Variants in ARSK observed in about 807,000 individuals in gnomAD.
ARSK encodes arylsulfatase K.
In ARSK, 37 loss-of-function variants were observed where a neutral mutation model predicts 53.2. The ratio of observed to expected loss-of-function variants is 0.70; its 90% confidence interval spans 0.54 to 0.92. The LOEUF (loss-of-function observed/expected upper bound fraction) is 0.92. Among genes scored for constraint, ARSK ranks in the 40% least tolerant of loss-of-function variants. The probability of loss-of-function intolerance (pLI) is 0.00; values close to 1 mark genes in which losing one functional copy is unlikely to be tolerated. For missense variants in ARSK, 613 were observed against 643.0 expected (o/e 0.95, Z 0.51); for synonymous variants, 208 against 223.2 (o/e 0.93, Z 0.61).
Position 95,566,058 on chromosome 5 carries a change from A to T in ARSK, c.187A>T (p.Met63Leu). The T allele has an allele frequency of 6.2e-7, 1 of 1,613,652 alleles. No homozygotes were observed. Among genetic ancestry groups the T allele is most frequent in the Non-Finnish European group, 8.5e-7 (1 of 1,179,862 alleles). ...QVVKLPFINF[M>L]KTRGTSFLNA... is the part of the protein sequence containing the mutation. Reference sequence around the variant, plus strand: ...AGTGAAACTTCCTTTTATCAACTTTATGAAGACACGTGGGACTTCCTTTCT... The same window carrying T: ...AGTGAAACTTCCTTTTATCAACTTTTTGAAGACACGTGGGACTTCCTTTCT... Residue 63 changes from methionine (M) to leucine (L), a missense_variant, in exon 2 of 8, where the codon ATG (methionine) becomes TTG (leucine). By Grantham distance (15) the Met-to-Leu change is conservative. Coordinates refer to ENST00000380009, the MANE Select transcript of ARSK (RefSeq NM_198150.3).
intron 3 of ARSK, among the ~76,000 whole-genome samples, chr5:95,579,640 A>T (rs1401219857): frequency 6.6e-6 from 1 of 152,196 alleles, no homozygotes; most frequent in Non-Finnish European, 1.5e-5. Context: ...AAAGAACTGG[A>T]CCTCTGGTGG....
chr5:95,570,062 C>G lies in ARSK; in HGVS notation c.416+2013C>G, dbSNP rs570828278. ...ATTAAAATGGGCTTCTACCTGGACT[C>G]TTCTTACTCTATCTGACCCATTTTC... On this transcript the variant is annotated intron_variant, in intron 3 of 7. Coordinates refer to ENST00000380009, the MANE Select transcript of ARSK (RefSeq NM_198150.3). Among the ~76,000 whole-genome samples, 5 of 152,332 alleles carry G rather than the reference C, an allele frequency of 3.3e-5. No individual in the cohort carries two copies. The East Asian group carries it at 9.6e-4, about 29-fold the overall frequency.
intron 3 of ARSK, chr5:95,581,060 T>C: frequency 2.0e-6 from 1 of 489,586 alleles, no homozygotes; most frequent in Admixed American, 3.5e-5. Context: ...GCTAAAGCCA[T>C]GCTTATGAAA....
chr5:95,586,818 T>A, intron 5 of ARSK, 85 bp downstream of exon 5: 1 of 1,214,904 alleles, frequency 8.2e-7, no homozygotes, highest in East Asian at 2.6e-5. Flanking sequence ...CTTGGTGACT[T>A]TCTTACAAAG....
intron 1 of ARSK, among the ~76,000 whole-genome samples, chr5:95,562,587 C>G (rs1748661069): frequency 2.0e-5 from 3 of 152,202 alleles, no homozygotes; most frequent in Non-Finnish European, 4.4e-5. Flanking sequence ...GAACCGAGTA[C>G]AAGCCATGGT....
intron 3 of ARSK, among the ~76,000 whole-genome samples, chr5:95,578,872 C>T (rs180984567): frequency 6.6e-6 from 1 of 152,320 alleles, no homozygotes; most frequent in African/African-American, 2.4e-5. Flanking sequence ...CACACTGCCA[C>T]AGAAAACCCA....
intron 3 of ARSK, among the ~76,000 whole-genome samples, chr5:95,572,707 G>A (rs1748855955): frequency 6.6e-6 from 1 of 152,190 alleles, no homozygotes; most frequent in Non-Finnish European, 1.5e-5. Flanking sequence ...GAACCCGGGA[G>A]GCGGAGCTTG....
At chr5:95,599,426 G>A (rs944868307) in intron 6 of ARSK, among the ~76,000 whole-genome samples, 4 of 151,132 alleles carry the variant, frequency 2.6e-5, no homozygotes, top group Non-Finnish European at 4.4e-5. Flanking sequence ...CTTGCTGGTG[G>A]TGCCTCCTGA....
intron 1 of ARSK, among the ~76,000 whole-genome samples, chr5:95,559,704 C>T (rs1215972400): frequency 6.6e-6 from 1 of 151,810 alleles, no homozygotes; most frequent in Non-Finnish European, 1.5e-5. Context: ...TAGAAGGGAA[C>T]TAAAAGGCAT....
intron 6 of ARSK, among the ~76,000 whole-genome samples, chr5:95,599,089 G>C (rs192346026): frequency 6.6e-6 from 1 of 152,262 alleles, no homozygotes; most frequent in African/African-American, 2.4e-5. Flanking sequence ...TAGAATGTTA[G>C]CTCTGGGAGA....
In ARSK at chr5:95,587,727, C is replaced by T. The variant is rs373950578; in HGVS notation, c.871+994C>T. ...TTCGAGACCAGCCTGGCCAACATGG[C>T]GAAACCCTGTCTCTACTAAAATACA... On this transcript the variant is annotated intron_variant, in intron 5 of 7. Transcript: ENST00000380009. 2.4e-4 allele frequency among the ~76,000 whole-genome samples: 36 copies of T among 151,938 alleles called. No homozygotes were observed. The South Asian group carries it at 5.4e-3, about 23-fold the overall frequency.
chr5:95,566,927 GA>G (rs1377827861), intron 2 of ARSK, among the ~76,000 whole-genome samples: 1 of 152,120 alleles, frequency 6.6e-6, no homozygotes, highest in African/African-American at 2.4e-5. Flanking sequence ...TACCAGTGAT[GA>G]AAAGAAACTA....
intron 3 of ARSK, among the ~76,000 whole-genome samples, chr5:95,574,395 A>G (rs888987221): frequency 6.6e-6 from 1 of 152,040 alleles, no homozygotes; most frequent in African/African-American, 2.4e-5. Context: ...TGGCAACTCT[A>G]TTTTTAGTAT....
At position 95,555,555 on chromosome 5, in the gene ARSK, G is replaced by T. The variant is rs1561357713; in HGVS notation, c.126+151G>T. On this transcript the variant is annotated intron_variant, in intron 1 of 7. Coordinates refer to ENST00000380009, the MANE Select transcript of ARSK (RefSeq NM_198150.3). The surrounding 1 kb of genome is among the most constrained non-coding windows in gnomAD (Gnocchi z 4.0). ...AAGAAAGAAATACATTTTATGTGAG[G>T]CCCCGTGTACTCACACGTACACCAC... 1.8e-5 allele frequency: 15 copies of T among 819,936 alleles called. No individual in the cohort carries two copies. In the South Asian group the frequency reaches 2.4e-4, roughly 13 times the overall value. 50.8% of individuals were successfully genotyped at this position (819,936 alleles called of 1,614,324 possible). A position where few individuals can be genotyped will look rare whatever the true frequency, so the allele number is the denominator to read the frequency against.
intron 1 of ARSK, among the ~76,000 whole-genome samples, chr5:95,558,634 C>G (rs1220947121): frequency 6.6e-6 from 1 of 152,086 alleles, no homozygotes; most frequent in East Asian, 1.9e-4. Context: ...GCTAGGAAGG[C>G]AGAAACTACT....
In ARSK at chr5:95,600,865, T is replaced by G. The variant is rs1326559740; in HGVS notation, c.1115T>G (p.Leu372Arg). ...PTMLDIAGIP[L>R]PQNLSGYSLL... ...TACATAGATATTGCTGGAATTCCTC[T>G]GCCTCAGAACCTGAGTGGATACTCT... The change falls in exon 7 of 8, where the codon CTG becomes CGG. Residue 372 changes from leucine (L) to arginine (R), a missense_variant. Coordinates refer to ENST00000380009, the MANE Select transcript of ARSK (RefSeq NM_198150.3). 6.2e-6 allele frequency: 10 copies of G among 1,613,826 alleles called. No individual in the cohort carries two copies. Among genetic ancestry groups the G allele is most frequent in the African/African-American group, 1.3e-5 (1 of 74,940 alleles).
intron 6 of ARSK, among the ~76,000 whole-genome samples, chr5:95,591,862 G>A (rs1433520432): frequency 1.3e-5 from 2 of 152,152 alleles, no homozygotes; most frequent in African/African-American, 2.4e-5. Context: ...TTTGTATTCA[G>A]GAGATGACTG....
chr5:95,565,199 C>T (rs1748705850), intron 1 of ARSK, among the ~76,000 whole-genome samples: 1 of 152,170 alleles, frequency 6.6e-6, no homozygotes, highest in Non-Finnish European at 1.5e-5. Flanking sequence ...CTCCAAAATG[C>T]ATATCTCCAA....
At chr5:95,592,025 A>G (rs780040586) in intron 6 of ARSK, among the ~76,000 whole-genome samples, 4 of 152,202 alleles carry the variant, frequency 2.6e-5, no homozygotes, top group Non-Finnish European at 5.9e-5. Context: ...ATTCCTCCTC[A>G]GACTCTTTAG....
Sources: gnomAD v4.1 joint callset for allele counts (sites outside exome capture counted in the v4.1 genomes callset) on GRCh38, gnomAD v4.1.1 for gene constraint, Gnocchi (gnomAD v3.1) non-coding constraint, MANE v1.5 for transcripts, NCBI Gene and HGNC (gene_info 2026-07-23, HGNC 2026-07-21) for gene names.